TENM4: variants seen among roughly 807,000 people sequenced by gnomAD.
TENM4 encodes teneurin transmembrane protein 4.
Under a neutral mutation model 243.3 loss-of-function variants are expected in TENM4, and 82 were observed. The ratio of observed to expected loss-of-function variants is 0.34; its 90% CI spans 0.28 to 0.40. The LOEUF is 0.40. TENM4 is among the 10% of genes least tolerant of loss of function. TENM4 has a pLI of 1.00. For missense variants in TENM4, 3,138 were observed against 3,673.3 expected, an observed-to-expected ratio of 0.85 and a Z score of 3.77; for synonymous variants, 1,412 against 1,456.3, an observed-to-expected ratio of 0.97 and a Z score of 0.69.
At chr11:78,965,886 T>G (rs1857429370) in intron 6 of TENM4, among the ~76,000 whole-genome samples, 1 of 152,226 alleles carries the variant, frequency 6.6e-6, no homozygotes, top group South Asian at 2.1e-4. Flanking sequence ...TTAAGTGGTT[T>G]CCAAGGTAGG....
intron 6 of TENM4, among the ~76,000 whole-genome samples, chr11:79,041,333 G>A (rs1319125422): frequency 4.6e-5 from 7 of 152,002 alleles, no homozygotes; most frequent in Non-Finnish European, 1.0e-4. Context: ...CAAAGTGCTG[G>A]GATTATAGGC....
rs895367958 is a variant in TENM4, at chr11:79,440,950, G to T, written c.-762C>A. On this transcript the variant is annotated 5_prime_UTR_variant, in exon 1 of 34. Coordinates refer to ENST00000278550, the MANE Select transcript of TENM4 (RefSeq NM_001098816.3). This position sits in a 1 kb window ranked among gnomAD's most constrained non-coding sequence, Gnocchi z 4.7. ...CTGCCTGCCTCCGTCCCCCACCCTC[G>T]CTCTCTTACACACAGAAAGAGAGGG... 21 of 151,492 alleles carry T rather than the reference G, an allele frequency of 1.4e-4. No homozygotes were observed. Among genetic ancestry groups the T allele is most frequent in the Middle Eastern group, 3.3e-3 (1 of 302 alleles). 9.4% of individuals were successfully genotyped at this position (151,492 alleles called of 1,614,324 possible). A position where few individuals can be genotyped will look rare whatever the true frequency, so the allele number is the denominator to read the frequency against.
intron 7 of TENM4, among the ~76,000 whole-genome samples, chr11:78,893,458 A>G (rs1855711965): frequency 6.6e-6 from 1 of 152,192 alleles, no homozygotes; most frequent in Non-Finnish European, 1.5e-5. Context: ...ATGGCTTCAT[A>G]AGCATTTTAG....
At chr11:79,231,419 G>C (rs1187364202) in intron 2 of TENM4, among the ~76,000 whole-genome samples, 1 of 151,858 alleles carries the variant, frequency 6.6e-6, no homozygotes, top group East Asian at 1.9e-4. Context: ...CTGAGATGAT[G>C]GGGAAAGGTC....
intron 1 of TENM4, among the ~76,000 whole-genome samples, chr11:79,364,855 T>G (rs1166180416): frequency 6.6e-6 from 1 of 152,238 alleles, no homozygotes; most frequent in Non-Finnish European, 1.5e-5. Context: ...TTTACCACTT[T>G]GTAAATCTCT....
At chr11:78,873,560 C>T (rs1395298341) in intron 9 of TENM4, among the ~76,000 whole-genome samples, 1 of 152,178 alleles carries the variant, frequency 6.6e-6, no homozygotes, top group Non-Finnish European at 1.5e-5. Flanking sequence ...CTGCCCCTAA[C>T]CACTATACCA....
rs1371562590 is a variant in TENM4 at position 78,903,261 on chromosome 11, C to T, written c.749+7G>A. ...CCTCAGCCTCACCCTCCCTACCGGC[C>T]GCGCACCTGGTCTCCAGGGGGATGT... On this transcript the variant is annotated splice_region_variant and intron_variant, in intron 7 of 33. Transcript: ENST00000278550. The T allele has an allele frequency of 1.3e-6, 2 of 1,489,466 alleles. No individual in the cohort carries two copies. Among genetic ancestry groups the T allele is most frequent in the Non-Finnish European group, 1.8e-6 (2 of 1,125,054 alleles). 92.3% of individuals were successfully genotyped at this position (1,489,466 alleles called of 1,614,324 possible).
chr11:79,275,929 T>C (rs1856047454), intron 2 of TENM4, among the ~76,000 whole-genome samples: 1 of 152,218 alleles, frequency 6.6e-6, no homozygotes, highest in Non-Finnish European at 1.5e-5. Context: ...TCAAAAGTAA[T>C]TTCCATTTCT....
chr11:79,108,753 T>C (rs1401793387), intron 4 of TENM4, among the ~76,000 whole-genome samples: 1 of 152,200 alleles, frequency 6.6e-6, no homozygotes. Context: ...CCTCCCTCCA[T>C]GGCTCACAGG....
chr11:78,952,517 G>A (rs145999063), intron 6 of TENM4, among the ~76,000 whole-genome samples: 4 of 152,338 alleles, frequency 2.6e-5, no homozygotes, highest in South Asian at 2.1e-4. Context: ...CTACTGAAGC[G>A]GTCCAGGAGA....
intron 4 of TENM4, among the ~76,000 whole-genome samples, chr11:79,135,900 A>G (rs554857160): frequency 2.0e-4 from 31 of 151,544 alleles, no homozygotes; most frequent in African/African-American, 5.1e-4. Flanking sequence ...TCTGGATGAG[A>G]TTGGAGACTA....
At chr11:78,849,007 T>C (rs1858466445) in intron 12 of TENM4, among the ~76,000 whole-genome samples, 1 of 152,196 alleles carries the variant, frequency 6.6e-6, no homozygotes, top group Non-Finnish European at 1.5e-5. Context: ...TCCCAGTCCC[T>C]ACATTTTCTA....
In TENM4 at chr11:78,669,555, G is replaced by T. The variant is rs1039733613; in HGVS notation, c.6790C>A (p.Arg2264=). The part of the protein sequence containing the change: ...KMDEDGFLRQ[R]GGDIFEYNSA... ...TTGTACTCAAAGATATCACCGCCCC[G>T]CTGCCTCAGGAAGCCATCCTCATCC... The change falls in exon 32 of 34, where the codon CGG becomes AGG. Residue 2264 remains arginine (R), a synonymous_variant. Transcript: ENST00000278550. This position sits in a 1 kb window ranked among gnomAD's most constrained non-coding sequence, Gnocchi z 6.4. 1.2e-6 allele frequency: 2 copies of T among 1,613,902 alleles called. No individual in the cohort carries two copies. Among genetic ancestry groups the T allele is most frequent in the Non-Finnish European group, 1.7e-6 (2 of 1,179,894 alleles).
Position 78,903,291 on chromosome 11 carries a change from G to A in TENM4, c.726C>T (p.Asn242=). 6.7e-7 allele frequency: 1 copy of A among 1,489,624 alleles called. No homozygotes were observed. The highest frequency in any genetic ancestry group is 8.9e-7 in the Non-Finnish European group (1 of 1,123,610). The allele number at this position is 1,489,624 out of a possible 1,614,324, so 92.3% of individuals were successfully genotyped here. Residue 242 remains asparagine (N), a synonymous_variant, in exon 7 of 34, where the codon AAC becomes AAT. Coordinates refer to ENST00000278550, the MANE Select transcript of TENM4 (RefSeq NM_001098816.3). ...PAHAQENWLL[N]SNIPLETRNL... ...ACCTGGTCTCCAGGGGGATGTTGCT[G>A]TTGAGCAGCCAGTTCTCCTGGGCGT...
intron 12 of TENM4, among the ~76,000 whole-genome samples, chr11:78,833,643 A>G (rs1235799684): frequency 6.6e-6 from 1 of 151,542 alleles, no homozygotes; most frequent in South Asian, 2.1e-4. Context: ...ACTTCTTATC[A>G]CCTCCTTCTT....
intron 6 of TENM4, among the ~76,000 whole-genome samples, chr11:79,057,104 C>CTGT (rs768748599): frequency 2.0e-5 from 3 of 152,194 alleles, no homozygotes; most frequent in East Asian, 3.8e-4. Flanking sequence ...ACCTGAGCAC[C>CTGT]TGTTGTCTCT....
chr11:79,185,626 A>T (rs1263671792), intron 3 of TENM4, among the ~76,000 whole-genome samples: 6 of 152,168 alleles, frequency 3.9e-5, no homozygotes, highest in Non-Finnish European at 5.9e-5. Context: ...GGCATATACC[A>T]TTTAACTTTC....
At chr11:79,182,602 C>T (rs1386029342) in intron 3 of TENM4, among the ~76,000 whole-genome samples, 1 of 151,948 alleles carries the variant, frequency 6.6e-6, no homozygotes, top group Non-Finnish European at 1.5e-5. Flanking sequence ...CTTATGCTCT[C>T]TGGAAAATGA....
At chr11:78,862,271 C>T (rs1056557730) in intron 10 of TENM4, among the ~76,000 whole-genome samples, 1 of 152,112 alleles carries the variant, frequency 6.6e-6, no homozygotes, top group Admixed American at 6.5e-5. Flanking sequence ...CTGTGTGACT[C>T]TGGCCAAATC....
Sources: gnomAD v4.1 joint callset for allele counts (sites outside exome capture counted in the v4.1 genomes callset) on GRCh38, gnomAD v4.1.1 for gene constraint, Gnocchi (gnomAD v3.1) non-coding constraint, MANE v1.5 for transcripts, NCBI Gene and HGNC (gene_info 2026-07-23, HGNC 2026-07-21) for gene names.